APBB1IP: variants seen among roughly 807,000 people sequenced by gnomAD.
APBB1IP encodes amyloid beta precursor protein binding family B member 1 interacting protein, also known as amyloid beta A4 precursor protein-binding family B member 1-interacting protein.
Under a neutral mutation model 64.9 loss-of-function variants are expected in APBB1IP, and 27 were observed. That is an observed-to-expected ratio of 0.42 (90% CI 0.31 to 0.57). The LOEUF (loss-of-function observed/expected upper bound fraction) is 0.57, where lower values mean the gene tolerates loss of function less well. Ranked by LOEUF, APBB1IP falls within the 20% of genes least tolerant of loss-of-function variation. The pLI is 0.20. For synonymous variants in APBB1IP, 392 were observed against 331.0 expected, an observed-to-expected ratio of 1.18 and a Z score of -2.00; for missense variants, 812 against 845.5, an observed-to-expected ratio of 0.96 and a Z score of 0.49.
intron 2 of APBB1IP, among the ~76,000 whole-genome samples, chr10:26,455,882 T>C (rs1835519329): frequency 1.3e-5 from 2 of 152,198 alleles, no homozygotes; most frequent in South Asian, 4.1e-4. Flanking sequence ...TTGTATTAGC[T>C]GAAAAAATGG....
intron 2 of APBB1IP, among the ~76,000 whole-genome samples, chr10:26,455,097 A>G (rs1314549586): frequency 6.6e-6 from 1 of 152,196 alleles, no homozygotes; most frequent in Non-Finnish European, 1.5e-5. Flanking sequence ...CAGGATGCTG[A>G]ATGGAGTTGG....
intron 2 of APBB1IP, among the ~76,000 whole-genome samples, chr10:26,462,069 T>C (rs1289723364): frequency 1.3e-5 from 2 of 152,226 alleles, no homozygotes; most frequent in Non-Finnish European, 2.9e-5. Flanking sequence ...CTGTAGATAA[T>C]GTTTTATTGG....
intron 7 of APBB1IP, among the ~76,000 whole-genome samples, chr10:26,512,384 G>A (rs748302594): frequency 2.0e-5 from 3 of 152,034 alleles, no homozygotes; most frequent in Non-Finnish European, 4.4e-5. Context: ...GGTATCTGTT[G>A]GCTAATGCCC....
chr10:26,529,944 G>A lies in APBB1IP; in HGVS notation c.814-3495G>A, dbSNP rs150291921. 6.0e-3 allele frequency among the ~76,000 whole-genome samples: 911 copies of A among 152,082 alleles called. 8 individuals carry two copies. Among genetic ancestry groups the A allele is most frequent in the African/African-American group, 0.021 (864 of 41,512 alleles). ...GCGTGAGCCACCGCACCCGGGTTTG[G>A]AGTCTTCATTATGCTCTCTGTTCAT... On this transcript the variant is annotated intron_variant, in intron 8 of 14. Transcript: ENST00000376236.
chr10:26,462,352 A>T (rs868634603), intron 2 of APBB1IP, among the ~76,000 whole-genome samples: 1 of 152,194 alleles, frequency 6.6e-6, no homozygotes, highest in Non-Finnish European at 1.5e-5. Context: ...GGTGTTTTAC[A>T]GTTAGAATGA....
rs555384233 is a variant in APBB1IP at position 26,517,929 on chromosome 10, G to A, written c.813+4269G>A. On this transcript the variant is annotated intron_variant, in intron 8 of 14. Transcript: ENST00000376236. ...TATAGGTGCAATTGCTGGACCACAG[G>A]TTGTGCATATGCTTAGTTTTATTTT... Among the ~76,000 whole-genome samples the A allele has an allele frequency of 2.4e-3, 369 of 152,174 alleles. 1 individual carries two copies. The highest frequency in any genetic ancestry group is 8.2e-3 in the African/African-American group (340 of 41,526).
Position 26,511,728 on chromosome 10 carries a change from C to T in APBB1IP, c.532-19C>T, listed in dbSNP as rs775000617. 6.8e-6 allele frequency: 11 copies of T among 1,610,080 alleles called. No homozygotes were observed. The South Asian group carries it at 9.9e-5, about 14-fold the overall frequency. On this transcript the variant is annotated intron_variant, in intron 6 of 14. Transcript: ENST00000376236. ...CCAGTTGCTGAAATTTACTGGCTGC[C>T]CCATGGTTCTATCCTCAGCTCGTCG...
intron 2 of APBB1IP, among the ~76,000 whole-genome samples, chr10:26,470,088 C>T (rs557369035): frequency 2.6e-4 from 39 of 152,254 alleles, no homozygotes; most frequent in Non-Finnish European, 4.6e-4. Context: ...GTCCCTGACT[C>T]ACAATGTTCC....
chr10:26,566,981 G>T lies in APBB1IP; in HGVS notation c.1494G>T (p.Gly498=). 3 of 1,580,584 alleles carry T rather than the reference G, an allele frequency of 1.9e-6. No individual in the cohort carries two copies. Among genetic ancestry groups the T allele is most frequent in the Non-Finnish European group, 2.6e-6 (3 of 1,172,350 alleles). The part of the protein sequence containing the change: ...ETSKDKKPAL[G]NHHDPAVPRA... ...TGCAGGATAAGAAGCCAGCCCTCGG[G>T]AACCACCACGACCCGGCAGTGCCCC... is the stretch of plus-strand genomic sequence containing the variant. The change falls in exon 15 of 15, where the codon GGG becomes GGT. Residue 498 remains glycine, a synonymous_variant. Coordinates refer to ENST00000376236, the MANE Select transcript of APBB1IP (RefSeq NM_019043.4).
intron 10 of APBB1IP, among the ~76,000 whole-genome samples, chr10:26,541,174 TA>T: frequency 6.6e-6 from 1 of 152,172 alleles, no homozygotes; most frequent in East Asian, 1.9e-4. Context: ...TTTAAAAAAT[TA>T]ATTTTATTTT....
intron 11 of APBB1IP, among the ~76,000 whole-genome samples, chr10:26,557,910 A>G (rs1836914135): frequency 6.6e-6 from 1 of 152,174 alleles, no homozygotes; most frequent in African/African-American, 2.4e-5. Flanking sequence ...GTGATTTAAG[A>G]TGGAAAGCGA....
At chr10:26,526,589 T>G (rs552090310) in intron 8 of APBB1IP, among the ~76,000 whole-genome samples, 1 of 151,872 alleles carries the variant, frequency 6.6e-6, no homozygotes, top group South Asian at 2.1e-4. Context: ...CATGGCGGCG[T>G]GTGCCTGTAG....
At chr10:26,445,096 A>G (rs1564346079) in intron 2 of APBB1IP, among the ~76,000 whole-genome samples, 1 of 141,800 alleles carries the variant, frequency 7.1e-6, no homozygotes, top group African/African-American at 2.6e-5. Flanking sequence ...GATTCTGTCA[A>G]AAAAAAAAAA....
intron 4 of APBB1IP, among the ~76,000 whole-genome samples, chr10:26,498,667 CTTAA>C (rs1024576406): frequency 1.3e-5 from 2 of 152,172 alleles, no homozygotes; most frequent in Admixed American, 6.5e-5. Flanking sequence ...AATATTTCAA[CTTAA>C]TTGTAGTCAT....
In APBB1IP at chr10:26,541,656, A is replaced by G; in HGVS notation, c.1119A>G (p.Lys373=). 1.9e-6 allele frequency: 3 copies of G among 1,612,104 alleles called. No homozygotes were observed. Among genetic ancestry groups the G allele is most frequent in the Non-Finnish European group, 2.5e-6 (3 of 1,179,246 alleles). Residue 373 remains lysine, a synonymous_variant, in exon 11 of 15, where the codon AAA becomes AAG. Transcript: ENST00000376236. ...NIYYGTQHKM[K]YKAPTDYCFV... is the part of the protein sequence containing the mutation. ...ACTATGGGACTCAGCATAAAATGAA[A>G]TATAAAGCGCCCACTGACTATTGCT...
At chr10:26,536,286 T>C in intron 10 of APBB1IP, 69 bp downstream of exon 10, 3 of 1,483,912 alleles carry the variant, frequency 2.0e-6, no homozygotes, top group Non-Finnish European at 2.7e-6. Context: ...AAGAAATCCT[T>C]AGTTGGCAAG....
intron 8 of APBB1IP, among the ~76,000 whole-genome samples, chr10:26,524,415 AAC>A (rs1836444789): frequency 6.7e-6 from 1 of 150,330 alleles, no homozygotes; most frequent in African/African-American, 2.5e-5. Flanking sequence ...AAAAAAAAAC[AAC>A]AACAAATTAT....
chr10:26,441,928 A>T (rs1835342118), intron 2 of APBB1IP, among the ~76,000 whole-genome samples: 1 of 152,226 alleles, frequency 6.6e-6, no homozygotes, highest in Admixed American at 6.5e-5. Flanking sequence ...TAGATGTGTC[A>T]TCTTGTTAAT....
chr10:26,485,269 A>G (rs960870181), intron 2 of APBB1IP, among the ~76,000 whole-genome samples: 14 of 152,216 alleles, frequency 9.2e-5, no homozygotes, highest in Non-Finnish European at 1.8e-4. Flanking sequence ...AGTTCTCGGA[A>G]CCATGTTATT....
Sources: allele counts gnomAD v4.1 joint callset (sites outside exome capture counted in the v4.1 genomes callset), GRCh38; gene constraint gnomAD v4.1.1; transcripts MANE v1.5; gene names NCBI Gene and HGNC (gene_info 2026-07-23, HGNC 2026-07-21).